Variants in AFF3 observed in about 807,000 individuals in gnomAD.
AFF3 encodes the protein ALF transcription elongation factor 3, also known as AF4/FMR2 family member 3.
Under a neutral mutation model 129.7 loss-of-function variants are expected in AFF3, and 32 were observed. The observed-to-expected ratio is 0.25, with a 90% confidence interval of 0.19 to 0.33. AFF3 has a LOEUF of 0.33. Among genes scored for constraint, AFF3 ranks in the 10% least tolerant of loss-of-function variants. The pLI, the probability that AFF3 is intolerant of heterozygous loss-of-function variation, is 1.00. For missense variants in AFF3, 1,373 were observed against 1,592.0 expected (o/e 0.86, Z 2.34); for synonymous variants, 644 against 635.4 (o/e 1.01, Z -0.20).
intron 3 of AFF3, chr2:100,104,862 G>A (rs1297805781): frequency 1.7e-5 from 8 of 460,090 alleles, no homozygotes; most frequent in Non-Finnish European, 2.0e-5. Flanking sequence ...TTTCTCCTCC[G>A]GGAGGCGCGT....
At chr2:99,685,158 C>T (rs1410921273) in intron 11 of AFF3, among the ~76,000 whole-genome samples, 1 of 152,072 alleles carries the variant, frequency 6.6e-6, no homozygotes, top group Non-Finnish European at 1.5e-5. Context: ...CCAGGCTGGT[C>T]TCAAACTACT....
chr2:99,894,205 C>CT (rs2106101477), intron 7 of AFF3, among the ~76,000 whole-genome samples: 1 of 148,636 alleles, frequency 6.7e-6, no homozygotes, highest in African/African-American at 2.5e-5. Flanking sequence ...GCCTGGATGC[C>CT]TTTTTTTGAA....
intron 13 of AFF3, among the ~76,000 whole-genome samples, chr2:99,616,184 G>C (rs1681408549): frequency 6.6e-6 from 1 of 152,146 alleles, no homozygotes; most frequent in African/African-American, 2.4e-5. Context: ...ACCCATTAGA[G>C]ATCCTGCCAC....
chr2:99,737,495 C>T (rs1006877327), intron 10 of AFF3, among the ~76,000 whole-genome samples: 1 of 151,908 alleles, frequency 6.6e-6, no homozygotes, highest in Non-Finnish European at 1.5e-5. Flanking sequence ...TTTTTCCCAA[C>T]TCAGTGATGC....
chr2:100,103,336 A>C (rs201530141), intron 4 of AFF3, among the ~76,000 whole-genome samples: 1 of 152,108 alleles, frequency 6.6e-6, no homozygotes, highest in Non-Finnish European at 1.5e-5. Flanking sequence ...GAAAAAAAAA[A>C]AAGCTCAGCT....
At chr2:99,673,961 T>C (rs908820057) in intron 11 of AFF3, among the ~76,000 whole-genome samples, 1 of 152,234 alleles carries the variant, frequency 6.6e-6, no homozygotes, top group South Asian at 2.1e-4. Context: ...CTGCTTTAGA[T>C]TCCGTTGTGA....
chr2:100,085,652 A>G (rs1236024500), intron 4 of AFF3, among the ~76,000 whole-genome samples: 1 of 151,062 alleles, frequency 6.6e-6, no homozygotes, highest in African/African-American at 2.4e-5. Context: ...CCATAGAAAT[A>G]AGCATTTAGT....
At position 100,104,522 on chromosome 2, in the gene AFF3, C is replaced by G; in HGVS notation, c.-64-4G>C. 4.8e-6 allele frequency: 6 copies of G among 1,255,066 alleles called. No individual in the cohort carries two copies. Among genetic ancestry groups the G allele is most frequent in the Non-Finnish European group, 5.1e-6 (5 of 973,934 alleles). 77.7% of individuals were successfully genotyped at this position (1,255,066 alleles called of 1,614,324 possible). A position where few individuals can be genotyped will look rare whatever the true frequency, so the allele number is the denominator to read the frequency against. On this transcript the variant is annotated splice_polypyrimidine_tract_variant and splice_region_variant and intron_variant, in intron 3 of 24. Coordinates refer to ENST00000672756, the MANE Select transcript of AFF3 (RefSeq NM_001386135.1). ...CGAGGCTCGGGCCGCCCGCGCGCTG[C>G]AACGAAAGGCGCCGCTCAAGGTGCA...
chr2:99,884,635 C>T (rs2106036668), intron 7 of AFF3, among the ~76,000 whole-genome samples: 1 of 152,316 alleles, frequency 6.6e-6, no homozygotes, highest in Non-Finnish European at 1.5e-5. Flanking sequence ...AACTCCTGGC[C>T]TCAAGTGATC....
chr2:99,903,430 T>C (rs150534759), intron 7 of AFF3, among the ~76,000 whole-genome samples: 90 of 152,314 alleles, frequency 5.9e-4, no homozygotes, highest in African/African-American at 2.0e-3. Context: ...GAAATAGGTA[T>C]GTATCTTGCA....
chr2:99,845,150 T>C (rs1689632335), intron 7 of AFF3, among the ~76,000 whole-genome samples: 1 of 152,210 alleles, frequency 6.6e-6, no homozygotes, highest in Non-Finnish European at 1.5e-5. Context: ...ATCCATTAAG[T>C]ACAGAAACCA....
At chr2:99,825,496 G>C (rs971189812) in intron 8 of AFF3, among the ~76,000 whole-genome samples, 3 of 152,162 alleles carry the variant, frequency 2.0e-5, no homozygotes, top group African/African-American at 7.2e-5. Flanking sequence ...TGATCACTTT[G>C]GATAGATGTG....
At chr2:99,801,801 A>G (rs1460374945) in intron 8 of AFF3, among the ~76,000 whole-genome samples, 2 of 152,242 alleles carry the variant, frequency 1.3e-5, no homozygotes, top group Non-Finnish European at 2.9e-5. Context: ...AGCATGAGTT[A>G]CTTATATATA....
At chr2:99,592,337 C>T (rs896489925) in intron 15 of AFF3, among the ~76,000 whole-genome samples, 2 of 152,172 alleles carry the variant, frequency 1.3e-5, no homozygotes, top group Admixed American at 6.5e-5. Context: ...AGGGCCCCTC[C>T]ACCATGAAGC....
intron 8 of AFF3, among the ~76,000 whole-genome samples, chr2:99,774,744 G>T (rs1683757946): frequency 6.6e-6 from 1 of 151,994 alleles, no homozygotes; most frequent in African/African-American, 2.4e-5. Context: ...TTGACAAACG[G>T]GATCTAATTA....
At chr2:99,785,114 A>T (rs1684697797) in intron 8 of AFF3, among the ~76,000 whole-genome samples, 1 of 152,156 alleles carries the variant, frequency 6.6e-6, no homozygotes, top group African/African-American at 2.4e-5. Context: ...CCAGGAGAGA[A>T]TGCAGATGTG....
At chr2:99,780,266 A>C (rs1172289319) in intron 8 of AFF3, among the ~76,000 whole-genome samples, 1 of 152,126 alleles carries the variant, frequency 6.6e-6, no homozygotes, top group Non-Finnish European at 1.5e-5. Context: ...CCTGGGGCTG[A>C]TTCTCAGTTT....
chr2:99,743,221 G>A (rs1680865367), intron 10 of AFF3, among the ~76,000 whole-genome samples: 1 of 152,150 alleles, frequency 6.6e-6, no homozygotes, highest in Admixed American at 6.6e-5. Context: ...CCCTCCACCG[G>A]CCTTTCTCTA....
chr2:99,653,900 ATGT>A (rs1685511865), intron 12 of AFF3, among the ~76,000 whole-genome samples: 2 of 56,102 alleles, frequency 3.6e-5, no homozygotes, highest in Non-Finnish European at 6.5e-5. Flanking sequence ...TTTTTTTGAG[ATGT>A]TGTTTCACTC....
Sources: gnomAD v4.1 joint callset for allele counts (sites outside exome capture counted in the v4.1 genomes callset) on GRCh38, gnomAD v4.1.1 for gene constraint, MANE v1.5 for transcripts, NCBI Gene and HGNC (gene_info 2026-07-23, HGNC 2026-07-21) for gene names.